Variants in SLC35A3 observed in about 807,000 individuals in gnomAD.
SLC35A3 encodes UDP-N-acetylglucosamine transporter.
In SLC35A3, 26 loss-of-function variants were observed where a neutral mutation model predicts 39.0. The observed-to-expected ratio is 0.67, with a 90% CI of 0.49 to 0.92. The LOEUF is 0.92. SLC35A3 is among the 40% of genes least tolerant of loss of function. SLC35A3 has a pLI of 0.00. For synonymous variants in SLC35A3, 135 were observed against 133.1 expected (o/e 1.01, Z -0.10); for missense variants, 299 against 371.6 (o/e 0.80, Z 1.61).
At chr1:100,018,774 T>C (rs1232975881) in intron 7 of SLC35A3, among the ~76,000 whole-genome samples, 2 of 152,212 alleles carry the variant, frequency 1.3e-5, no homozygotes, top group Non-Finnish European at 2.9e-5. Context: ...GCCACTTCGC[T>C]GAACTCATTT....
chr1:100,013,098 G>A (rs1328807427), intron 5 of SLC35A3, among the ~76,000 whole-genome samples: 1 of 152,134 alleles, frequency 6.6e-6, no homozygotes, highest in African/African-American at 2.4e-5. Flanking sequence ...TTATGCAACT[G>A]TTAGAATGCA....
In SLC35A3 at chr1:99,989,157, T is replaced by G. The variant is rs560395153; in HGVS notation, c.-18-4380T>G. Among the ~76,000 whole-genome samples the G allele has an allele frequency of 3.3e-5, 5 of 152,372 alleles. No individual in the cohort carries two copies. The South Asian group carries it at 8.3e-4, about 25-fold the overall frequency. ...ACTTAGTTGTATCAGTTTTTAAAAT[T>G]TAGCCAGTCTAATAGGTACATAATG... On this transcript the variant is annotated intron_variant, in intron 1 of 7. Transcript: ENST00000533028.
chr1:99,973,093 C>G (rs1656914475), intron 1 of SLC35A3, among the ~76,000 whole-genome samples: 1 of 152,150 alleles, frequency 6.6e-6, no homozygotes, highest in Non-Finnish European at 1.5e-5. Context: ...CGTTTGAAAG[C>G]CTAAACTTGT....
At chr1:99,971,615 G>A (rs1199486823) in intron 1 of SLC35A3, among the ~76,000 whole-genome samples, 4 of 151,982 alleles carry the variant, frequency 2.6e-5, no homozygotes, top group African/African-American at 9.7e-5. Flanking sequence ...CCCCCAATAT[G>A]ATTCTTTCTT....
rs1424481609 is a variant in SLC35A3, at chr1:100,022,246, T to C, written c.888-140T>C. On this transcript the variant is annotated intron_variant, in intron 7 of 7. Transcript: ENST00000533028. ...ACTTAGCCAGATACCTGGAATGTAG[T>C]AAGTACTCAAGATTTGTTAGCCGTG... The C allele has an allele frequency of 1.2e-4, 64 of 544,734 alleles. No homozygotes were observed. The East Asian group carries it at 1.9e-3, about 17-fold the overall frequency. 33.7% of individuals were successfully genotyped at this position (544,734 alleles called of 1,614,324 possible). A position where few individuals can be genotyped will look rare whatever the true frequency, so the allele number is the denominator to read the frequency against.
At chr1:100,017,987 T>C (rs1660274028) in intron 7 of SLC35A3, 172 bp downstream of exon 7, 7 of 394,356 alleles carry the variant, frequency 1.8e-5, no homozygotes, top group Non-Finnish European at 3.1e-5. Context: ...AGTCTTCTCC[T>C]GAAAAGTTTC....
intron 3 of SLC35A3, among the ~76,000 whole-genome samples, chr1:100,001,537 G>GT (rs1194546288): frequency 6.6e-6 from 1 of 150,982 alleles, no homozygotes; most frequent in African/African-American, 2.4e-5. Flanking sequence ...ACTGATTTTT[G>GT]TATGTTGATT....
At chr1:100,002,397 C>T (rs984285070) in intron 3 of SLC35A3, among the ~76,000 whole-genome samples, 1 of 152,070 alleles carries the variant, frequency 6.6e-6, no homozygotes, top group Middle Eastern at 3.2e-3. Flanking sequence ...TATAGTTGTT[C>T]ATAATAGTCT....
At chr1:99,970,533 T>C in intron 1 of SLC35A3, 1 of 1,534,588 alleles carries the variant, frequency 6.5e-7, no homozygotes. Flanking sequence ...TCAGTGAACA[T>C]CCCATGAGCT....
At chr1:99,975,687 G>T (rs945874552) in intron 1 of SLC35A3, among the ~76,000 whole-genome samples, 6 of 152,194 alleles carry the variant, frequency 3.9e-5, no homozygotes, top group African/African-American at 1.4e-4. Context: ...AGGAAATGTA[G>T]GTTGGGACCA....
At chr1:99,982,732 C>T (rs1657529111) in intron 1 of SLC35A3, among the ~76,000 whole-genome samples, 1 of 152,016 alleles carries the variant, frequency 6.6e-6, no homozygotes, top group South Asian at 2.1e-4. Flanking sequence ...CTAACCAAGC[C>T]ATCATCCAAA....
chr1:99,993,754 G>A lies in SLC35A3; in HGVS notation c.187+13G>A, dbSNP rs373777045. 2.5e-4 allele frequency: 397 copies of A among 1,607,724 alleles called. No homozygotes were observed. The highest frequency in any genetic ancestry group is 3.2e-4 in the Non-Finnish European group (373 of 1,177,390). ...TACAAAGACAGCAGTAGGTATCTAG[G>A]TTTTTTGTTTTTAATCAATGCAATT... On this transcript the variant is annotated intron_variant, in intron 2 of 7. Transcript: ENST00000533028.
At chr1:100,016,226 A>G (rs958398564) in intron 6 of SLC35A3, among the ~76,000 whole-genome samples, 2 of 151,606 alleles carry the variant, frequency 1.3e-5, no homozygotes, top group Admixed American at 1.3e-4. Context: ...CACCACGCCC[A>G]GCTAATTTTT....
In SLC35A3 at chr1:100,024,759, A is replaced by G; in HGVS notation, c.*2283A>G. The G allele has an allele frequency of 2.5e-6, 1 of 396,116 alleles. No individual in the cohort carries two copies. The highest frequency in any genetic ancestry group is 4.4e-6 in the Non-Finnish European group (1 of 225,262). 24.5% of individuals were successfully genotyped at this position (396,116 alleles called of 1,614,324 possible). The stretch of plus-strand genomic sequence containing the variant: ...TCAGCCTCTGAGTAGCTGGGATTGC[A>G]GGCGTGAGCCACTGCGCCCGGCCTA... On this transcript the variant is annotated 3_prime_UTR_variant, in exon 8 of 8. Coordinates refer to ENST00000533028, the MANE Select transcript of SLC35A3 (RefSeq NM_012243.3).
At chr1:99,981,149 A>C (rs1037180885) in intron 1 of SLC35A3, among the ~76,000 whole-genome samples, 9 of 152,174 alleles carry the variant, frequency 5.9e-5, no homozygotes, top group Admixed American at 1.3e-4. Flanking sequence ...CTGTATGTAT[A>C]TACTTTTTTC....
Position 100,027,302 on chromosome 1 carries a change from A to G in SLC35A3, c.*4826A>G. 1 of 396,064 alleles carries G rather than the reference A, an allele frequency of 2.5e-6. No homozygotes were observed. 24.5% of individuals were successfully genotyped at this position (396,064 alleles called of 1,614,324 possible). A position where few individuals can be genotyped will look rare whatever the true frequency, so the allele number is the denominator to read the frequency against. On this transcript the variant is annotated 3_prime_UTR_variant, in exon 8 of 8. Coordinates refer to ENST00000533028, the MANE Select transcript of SLC35A3 (RefSeq NM_012243.3). ...TTTCTACAAAAAATCTTAAAAATAA[A>G]ATTAGCCAATATGTGGGCATGCACC...
At chr1:100,020,108 A>G (rs1028839844) in intron 7 of SLC35A3, among the ~76,000 whole-genome samples, 2 of 152,222 alleles carry the variant, frequency 1.3e-5, no homozygotes, top group African/African-American at 4.8e-5. Flanking sequence ...AGTATGATCA[A>G]TGCAACAATG....
intron 4 of SLC35A3, among the ~76,000 whole-genome samples, chr1:100,010,304 T>A (rs371600400): frequency 2.0e-5 from 3 of 152,308 alleles, no homozygotes; most frequent in South Asian, 4.1e-4. Context: ...GAATAGAGAA[T>A]GAACAATTTT....
At chr1:100,003,965 G>A (rs1024205355) in intron 3 of SLC35A3, among the ~76,000 whole-genome samples, 2 of 152,116 alleles carry the variant, frequency 1.3e-5, no homozygotes, top group African/African-American at 4.8e-5. Context: ...CTGTTTGCAT[G>A]GAATATCTCT....
Sources: allele counts gnomAD v4.1 joint callset (sites outside exome capture counted in the v4.1 genomes callset), GRCh38; gene constraint gnomAD v4.1.1; transcripts MANE v1.5; gene names NCBI Gene and HGNC (gene_info 2026-07-23, HGNC 2026-07-21).